Variants in SCFD1 observed in about 807,000 individuals in gnomAD.
The protein encoded by SCFD1 is sec1 family domain containing 1.
In SCFD1, 37 loss-of-function variants were observed where a neutral mutation model predicts 103.2. That is an observed-to-expected ratio of 0.36 (90% CI 0.28 to 0.47). The LOEUF (loss-of-function observed/expected upper bound fraction) is 0.47, where lower values mean the gene tolerates loss of function less well. Ranked by LOEUF, SCFD1 falls within the 20% of genes least tolerant of loss-of-function variation. The pLI is 1.00. For synonymous variants in SCFD1, 264 were observed against 245.0 expected (o/e 1.08, Z -0.73); for missense variants, 639 against 761.2 (o/e 0.84, Z 1.89).
chr14:30,639,876 T>C lies in SCFD1; in HGVS notation c.523+12T>C. On this transcript the variant is annotated intron_variant, in intron 6 of 24. Coordinates refer to ENST00000458591, the MANE Select transcript of SCFD1 (RefSeq NM_016106.4). ...TGTTTCATATCGTGGTATGTAAAAA[T>C]AGAAATGTTGCAATTCTTTGTTAAC... 2 of 1,573,356 alleles carry C rather than the reference T, an allele frequency of 1.3e-6. No individual in the cohort carries two copies. Among genetic ancestry groups the C allele is most frequent in the Non-Finnish European group, 1.7e-6 (2 of 1,160,856 alleles).
chr14:30,725,834 AAGCAGAAACCAAGGGAATATG>A (rs1247716550), intron 23 of SCFD1, among the ~76,000 whole-genome samples: 1 of 150,136 alleles, frequency 6.7e-6, no homozygotes, highest in African/African-American at 2.5e-5. Flanking sequence ...CCAGGCTCAA[AAGCAGAAACCAAGGGAATATG>A]ACAGAAACCA....
intron 1 of SCFD1, among the ~76,000 whole-genome samples, chr14:30,625,624 GGTATAGGT>G: frequency 7.4e-6 from 1 of 135,366 alleles, no homozygotes; most frequent in East Asian, 2.4e-4. Context: ...TACCTATATA[GGTATAGGT>G]ATATAGGCAT....
chr14:30,661,274 G>A (rs1887427564), intron 10 of SCFD1, among the ~76,000 whole-genome samples: 1 of 152,118 alleles, frequency 6.6e-6, no homozygotes, highest in African/African-American at 2.4e-5. Context: ...TTTCGTTTGA[G>A]AGACTGATTT....
chr14:30,682,266 C>T (rs902647367), intron 14 of SCFD1, among the ~76,000 whole-genome samples: 6 of 152,270 alleles, frequency 3.9e-5, no homozygotes, highest in Non-Finnish European at 8.8e-5. Flanking sequence ...CATCTGTGTA[C>T]AGAAGAGAGG....
intron 2 of SCFD1, among the ~76,000 whole-genome samples, chr14:30,629,798 T>C (rs1376100282): frequency 1.3e-5 from 2 of 152,038 alleles, no homozygotes; most frequent in Non-Finnish European, 2.9e-5. Flanking sequence ...GGATGGTCTC[T>C]ATCTCTTGAC....
chr14:30,702,364 C>A lies in SCFD1; in HGVS notation c.1479C>A (p.Ile493=). The A allele has an allele frequency of 6.4e-7, 1 of 1,573,702 alleles. No homozygotes were observed. The highest frequency in any genetic ancestry group is 8.7e-7 in the Non-Finnish European group (1 of 1,154,860). The stretch of plus-strand genomic sequence containing the variant: ...GCAACCTTAATCCTTTACAATATAT[C>A]AAACAGTGGAAGTAAGTTTTATTTT... ...AGCNLNPLQY[I]KQWKAFTKMA... The change falls in exon 17 of 25, where the codon ATC becomes ATA. Residue 493 remains isoleucine (I), a synonymous_variant. Coordinates refer to ENST00000458591, the MANE Select transcript of SCFD1 (RefSeq NM_016106.4).
At chr14:30,706,248 G>C (rs534336361) in intron 18 of SCFD1, among the ~76,000 whole-genome samples, 2 of 152,214 alleles carry the variant, frequency 1.3e-5, no homozygotes, top group African/African-American at 4.8e-5. Flanking sequence ...CTGAAACTTA[G>C]ATAACATTTT....
At chr14:30,627,151 A>G (rs115118475) in intron 1 of SCFD1, among the ~76,000 whole-genome samples, 2,240 of 152,272 alleles carry the variant, frequency 0.015, 46 homozygotes, top group African/African-American at 0.051. Flanking sequence ...ACGAAGAAGT[A>G]TATTAAGGGA....
At chr14:30,647,211 C>A (rs1004430403) in intron 7 of SCFD1, among the ~76,000 whole-genome samples, 2 of 152,008 alleles carry the variant, frequency 1.3e-5, no homozygotes, top group Non-Finnish European at 2.9e-5. Flanking sequence ...ACACTTAAAA[C>A]CTTTTTGTTA....
At chr14:30,700,333 A>T in intron 16 of SCFD1, 75 bp downstream of exon 16, 1 of 1,000,316 alleles carries the variant, frequency 1.0e-6, no homozygotes, top group Non-Finnish European at 1.5e-6. Context: ...ATTTTAAAAC[A>T]GAAGTAAAAA....
At chr14:30,629,631 G>T (rs1213652190) in intron 2 of SCFD1, among the ~76,000 whole-genome samples, 7 of 142,360 alleles carry the variant, frequency 4.9e-5, no homozygotes, top group African/African-American at 1.9e-4. Flanking sequence ...AGGCTGGAAT[G>T]TAGTGGCGCA....
rs142998182 is a variant in SCFD1, at chr14:30,710,166, A to G, written c.1629+2101A>G. Reference sequence around the variant, plus strand: ...TTTTATTTTATTTGGAGTGCATAAGATACAGAAACAATTCTTTATGATCTT... The same window carrying G: ...TTTTATTTTATTTGGAGTGCATAAGGTACAGAAACAATTCTTTATGATCTT... On this transcript the variant is annotated intron_variant, in intron 19 of 24. Transcript: ENST00000458591. Among the ~76,000 whole-genome samples, 560 of 152,188 alleles carry G rather than the reference A, an allele frequency of 3.7e-3. 6 individuals carry two copies. The highest frequency in any genetic ancestry group is 0.013 in the African/African-American group (530 of 41,516).
At chr14:30,725,390 G>A (rs1423585056) in intron 23 of SCFD1, among the ~76,000 whole-genome samples, 1 of 152,140 alleles carries the variant, frequency 6.6e-6, no homozygotes, top group Non-Finnish European at 1.5e-5. Context: ...TGCTTGTAGA[G>A]ATCTTTCACC....
intron 23 of SCFD1, among the ~76,000 whole-genome samples, chr14:30,729,927 T>A (rs1893323461): frequency 6.6e-6 from 1 of 152,174 alleles, no homozygotes; most frequent in Non-Finnish European, 1.5e-5. Flanking sequence ...GTTACATGTG[T>A]ATAAATGTGC....
chr14:30,690,627 CTT>C, intron 14 of SCFD1, among the ~76,000 whole-genome samples: 1 of 146,310 alleles, frequency 6.8e-6, no homozygotes, highest in Non-Finnish European at 1.5e-5. Context: ...TCCCTGACCC[CTT>C]GCGCTTCCCA....
In SCFD1 at chr14:30,622,590, A is replaced by G. The variant is rs1379086319; in HGVS notation, c.61+191A>G. 3 of 967,178 alleles carry G rather than the reference A, an allele frequency of 3.1e-6. No homozygotes were observed. In the Admixed American group the frequency reaches 9.4e-5, roughly 30 times the overall value. 59.9% of individuals were successfully genotyped at this position (967,178 alleles called of 1,614,324 possible). On this transcript the variant is annotated intron_variant, in intron 1 of 24. Coordinates refer to ENST00000458591, the MANE Select transcript of SCFD1 (RefSeq NM_016106.4). Reference sequence around the variant, plus strand: ...GAGGACTCGGTTCCTCCTGTGGTGCAGGAGAAGGAGCTTCAGCGGTGGGCG... The same window carrying G: ...GAGGACTCGGTTCCTCCTGTGGTGCGGGAGAAGGAGCTTCAGCGGTGGGCG...
At chr14:30,719,807 T>G (rs1892531480) in intron 21 of SCFD1, among the ~76,000 whole-genome samples, 1 of 152,164 alleles carries the variant, frequency 6.6e-6, no homozygotes, top group Non-Finnish European at 1.5e-5. Context: ...TGTAACACCT[T>G]GTGTCAATGA....
At chr14:30,643,521 G>T (rs149139945) in intron 7 of SCFD1, 116 bp downstream of exon 7, 1 of 722,532 alleles carries the variant, frequency 1.4e-6, no homozygotes, top group Non-Finnish European at 2.4e-6. Context: ...AGAGGTTCTC[G>T]AGTGGAGTAA....
intron 1 of SCFD1, 190 bp downstream of exon 1, chr14:30,622,589 C>T: frequency 1.0e-6 from 1 of 986,416 alleles, no homozygotes; most frequent in Non-Finnish European, 1.4e-6. Flanking sequence ...TCCTGTGGTG[C>T]AGGAGAAGGA....
Sources: gnomAD v4.1 joint callset for allele counts (sites outside exome capture counted in the v4.1 genomes callset) on GRCh38, gnomAD v4.1.1 for gene constraint, MANE v1.5 for transcripts, NCBI Gene and HGNC (gene_info 2026-07-23, HGNC 2026-07-21) for gene names.